The following DENND2B variants were observed in gnomAD, a reference collection of about 807,000 sequenced individuals.
DENND2B encodes DENN domain containing 2B.
Under a neutral mutation model 116.0 loss-of-function variants are expected in DENND2B, and 32 were observed. That is an observed-to-expected ratio of 0.28 (90% CI 0.21 to 0.37). DENND2B has a LOEUF of 0.37. Among genes scored for constraint, DENND2B ranks in the 10% least tolerant of loss-of-function variants. DENND2B has a pLI of 1.00. For synonymous variants in DENND2B, 588 were observed against 583.9 expected (o/e 1.01, Z -0.10); for missense variants, 1,276 against 1,477.7 (o/e 0.86, Z 2.24).
At chr11:8,887,569 T>G (rs1212655647) in intron 1 of DENND2B, among the ~76,000 whole-genome samples, 1 of 152,174 alleles carries the variant, frequency 6.6e-6, no homozygotes, top group Non-Finnish European at 1.5e-5. Flanking sequence ...TTGCATAAAG[T>G]CTACTCAGCC....
At chr11:8,717,038 T>A (rs1484244161) in intron 5 of DENND2B, among the ~76,000 whole-genome samples, 2 of 152,228 alleles carry the variant, frequency 1.3e-5, no homozygotes, top group Admixed American at 1.3e-4. Flanking sequence ...CAATGCTATA[T>A]AATATCCAGG....
Position 8,707,119 on chromosome 11 carries a change from T to G in DENND2B, c.2537A>C (p.Lys846Thr), listed in dbSNP as rs756578062. The change falls in exon 13 of 20, where the codon AAA becomes ACA. Residue 846 changes from lysine to threonine, a missense_variant. This residue lies in a region of DENND2B where 420 missense variants were observed against 631.1 expected (regional missense o/e 0.67). Coordinates refer to ENST00000313726, the MANE Select transcript of DENND2B (RefSeq NM_213618.2). This position sits in a 1 kb window ranked among gnomAD's most constrained non-coding sequence, Gnocchi z 4.8. ...SPFPAPGKTI[K>T]VKTFLPGAGN... ...AGCACCTGGCAGGAATGTCTTCACT[T>G]TGATGGTCTTCCCTGGGGCTGGGAA... 3 of 1,613,660 alleles carry G rather than the reference T, an allele frequency of 1.9e-6. No homozygotes were observed. Among genetic ancestry groups the G allele is most frequent in the East Asian group, 2.2e-5 (1 of 44,860 alleles).
At chr11:8,747,229 C>T (rs926266147) in intron 2 of DENND2B, among the ~76,000 whole-genome samples, 1 of 151,666 alleles carries the variant, frequency 6.6e-6, no homozygotes, top group Non-Finnish European at 1.5e-5. Context: ...ATTATATATT[C>T]TCACACACTC....
chr11:8,790,312 C>G (rs1000954544), intron 1 of DENND2B, among the ~76,000 whole-genome samples: 3 of 152,188 alleles, frequency 2.0e-5, no homozygotes, highest in African/African-American at 7.2e-5. Context: ...GTGGCATAAA[C>G]TGCAATGCAG....
intron 2 of DENND2B, among the ~76,000 whole-genome samples, chr11:8,733,033 G>A (rs910297290): frequency 7.2e-5 from 11 of 152,226 alleles, no homozygotes; most frequent in Non-Finnish European, 2.9e-5. Context: ...ACCTCAACAT[G>A]CTTAAGTTGT....
Position 8,712,863 on chromosome 11 carries a change from A to G in DENND2B, c.1988-128T>C. On this transcript the variant is annotated intron_variant, in intron 8 of 19. Coordinates refer to ENST00000313726, the MANE Select transcript of DENND2B (RefSeq NM_213618.2). This position sits in a 1 kb window ranked among gnomAD's most constrained non-coding sequence, Gnocchi z 4.4. ...GTGAGCCTAGTCTGATACCATCCCC[A>G]GCTCACAGTGCAGGAGGACCGGCAG... The G allele has an allele frequency of 1.0e-6, 1 of 979,292 alleles. No individual in the cohort carries two copies. The highest frequency in any genetic ancestry group is 1.6e-5 in the African/African-American group (1 of 61,212). The allele number at this position is 979,292 out of a possible 1,614,324, so 60.7% of individuals were successfully genotyped here.
chr11:8,767,391 C>A (rs1426224945), intron 1 of DENND2B, among the ~76,000 whole-genome samples: 1 of 151,048 alleles, frequency 6.6e-6, no homozygotes, highest in Admixed American at 6.6e-5. Context: ...CCCAAGGAGA[C>A]CTCAGAAAAT....
At position 8,707,204 on chromosome 11, in the gene DENND2B, G is replaced by A. The variant is rs759906568; in HGVS notation, c.2452C>T (p.Arg818Trp). The change falls in exon 13 of 20, where the codon CGG becomes TGG. Residue 818 changes from arginine (R) to tryptophan (W), a missense_variant. Arg to Trp is a moderately radical substitution (Grantham distance 101, BLOSUM62 -3). This residue lies in a region of DENND2B where 420 missense variants were observed against 631.1 expected (regional missense o/e 0.67). Coordinates refer to ENST00000313726, the MANE Select transcript of DENND2B (RefSeq NM_213618.2). The surrounding 1 kb of genome is among the most constrained non-coding windows in gnomAD (Gnocchi z 4.8). ...FSKVLDEVERRRGISAALVYP... is the reference protein window; with the variant it reads ...FSKVLDEVERWRGISAALVYP... ...ACCAATGCAGCGGAGATCCCACGCC[G>A]GCGCTCCACCTCATCTAGGACCTGT... is the stretch of plus-strand genomic sequence containing the variant. 8 of 1,612,604 alleles carry A rather than the reference G, an allele frequency of 5.0e-6. No homozygotes were observed. The highest frequency in any genetic ancestry group is 2.2e-5 in the East Asian group (1 of 44,834).
intron 1 of DENND2B, among the ~76,000 whole-genome samples, chr11:8,807,593 A>C (rs2060985898): frequency 6.6e-6 from 1 of 152,202 alleles, no homozygotes; most frequent in Non-Finnish European, 1.5e-5. Flanking sequence ...AGAGAGCCCA[A>C]GGGGAGAAGG....
At chr11:8,888,396 C>A (rs759138165) in intron 1 of DENND2B, among the ~76,000 whole-genome samples, 4 of 152,054 alleles carry the variant, frequency 2.6e-5, no homozygotes, top group South Asian at 4.2e-4. Flanking sequence ...GAACTTGGAC[C>A]CTTACCTAAC....
At chr11:8,754,035 A>G (rs200071820) in intron 1 of DENND2B, among the ~76,000 whole-genome samples, 78 of 146,008 alleles carry the variant, frequency 5.3e-4, no homozygotes, top group African/African-American at 1.1e-3. Flanking sequence ...GCGCGCACAC[A>G]CACACACACA....
chr11:8,882,285 T>C (rs776181114), intron 1 of DENND2B, among the ~76,000 whole-genome samples: 24 of 152,232 alleles, frequency 1.6e-4, no homozygotes, highest in Admixed American at 1.4e-3. Flanking sequence ...ACATCTCTGA[T>C]AGGCCCAACT....
chr11:8,766,770 T>A (rs1050815498), intron 1 of DENND2B: 35 of 1,056,004 alleles, frequency 3.3e-5, no homozygotes, highest in Non-Finnish European at 4.5e-5. Context: ...AGGACTCAAC[T>A]TTTGTCATTT....
Position 8,730,937 on chromosome 11 carries a change from ACAC to A in DENND2B, c.350_352del (p.Ser117_Val118delinsIle). ...TGCTACATCCTGGGCTGCGCCTTGGACACTTTCCTTTTGGGCGTCTCTCTTGCA... is the reference window on the plus strand; with the variant it reads ...TGCTACATCCTGGGCTGCGCCTTGGATTTCCTTTTGGGCGTCTCTCTTGCA... On this transcript the variant is annotated inframe_deletion, in exon 3 of 20. Coordinates refer to ENST00000313726, the MANE Select transcript of DENND2B (RefSeq NM_213618.2). The surrounding 1 kb of genome is among the most constrained non-coding windows in gnomAD (Gnocchi z 4.1). 6.2e-7 allele frequency: 1 copy of A among 1,614,196 alleles called. No homozygotes were observed. The highest frequency in any genetic ancestry group is 1.3e-5 in the African/African-American group (1 of 75,060).
intron 1 of DENND2B, among the ~76,000 whole-genome samples, chr11:8,890,948 C>T (rs2064024203): frequency 6.6e-6 from 1 of 152,146 alleles, no homozygotes; most frequent in African/African-American, 2.4e-5. Context: ...GTCAGATTCA[C>T]CAAAGTTGAA....
intron 2 of DENND2B, among the ~76,000 whole-genome samples, chr11:8,735,280 G>A (rs1484378183): frequency 6.6e-6 from 1 of 152,158 alleles, no homozygotes; most frequent in African/African-American, 2.4e-5. Flanking sequence ...AGGACGAGAG[G>A]TCCCATGGAA....
At chr11:8,757,138 C>T in intron 1 of DENND2B, 2 of 454,458 alleles carry the variant, frequency 4.4e-6, no homozygotes, top group South Asian at 1.6e-5. Flanking sequence ...GAGTCCAGCC[C>T]TGCCTCTGAC....
At chr11:8,733,131 A>T (rs1369662178) in intron 2 of DENND2B, among the ~76,000 whole-genome samples, 1 of 152,222 alleles carries the variant, frequency 6.6e-6, no homozygotes, top group Non-Finnish European at 1.5e-5. Context: ...GCCAATGACC[A>T]AAGAGGCTCT....
intron 1 of DENND2B, among the ~76,000 whole-genome samples, chr11:8,761,465 G>A (rs1222912407): frequency 6.6e-6 from 1 of 152,198 alleles, no homozygotes; most frequent in Non-Finnish European, 1.5e-5. Context: ...CGATGATCCA[G>A]AGGCCATAGT....
Sources: allele counts gnomAD v4.1 joint callset (sites outside exome capture counted in the v4.1 genomes callset), GRCh38; gene constraint gnomAD v4.1.1; regional missense constraint gnomAD v4.1.1; non-coding constraint Gnocchi (gnomAD v3.1); transcripts MANE v1.5; gene names NCBI Gene and HGNC (gene_info 2026-07-23, HGNC 2026-07-21).